Variants in STK32B observed in about 807,000 individuals in gnomAD.
STK32B encodes serine/threonine kinase 32B.
STK32B carries 43 observed loss-of-function variants against 52.6 expected under a neutral mutation model. The ratio of observed to expected loss-of-function variants is 0.82; its 90% CI spans 0.64 to 1.05. STK32B has a LOEUF of 1.05. Ranked by LOEUF, STK32B falls within the 50% of genes least tolerant of loss-of-function variation. The pLI, the probability that STK32B is intolerant of heterozygous loss-of-function variation, is 0.00. For synonymous variants in STK32B, 238 were observed against 204.3 expected (o/e 1.17, Z -1.41); for missense variants, 621 against 534.6 (o/e 1.16, Z -1.59).
intron 4 of STK32B, among the ~76,000 whole-genome samples, chr4:5,351,566 G>C (rs1207700073): frequency 3.3e-5 from 5 of 151,574 alleles, no homozygotes; most frequent in Non-Finnish European, 5.9e-5. Context: ...AGAAAAAGAA[G>C]AACAAACCAA....
the STK32B span, chr4:5,019,567 C>G: frequency 8.9e-7 from 1 of 1,119,784 alleles, no homozygotes; most frequent in Non-Finnish European, 1.2e-6. Flanking sequence ...TCCAGGGTGG[C>G]AGAGAGGAAG....
intron 3 of STK32B, among the ~76,000 whole-genome samples, chr4:5,174,715 C>G (rs184391148): frequency 6.6e-6 from 1 of 152,144 alleles, no homozygotes; most frequent in African/African-American, 2.4e-5. Flanking sequence ...CCCGACCTTT[C>G]TCTCTGGCTG....
chr4:5,497,328 CACAG>C (rs776891101), intron 11 of STK32B, among the ~76,000 whole-genome samples: 47 of 152,298 alleles, frequency 3.1e-4, no homozygotes, highest in Admixed American at 2.2e-3. Context: ...TAAATGCAAA[CACAG>C]ACAGAAAATA....
intron 1 of STK32B, among the ~76,000 whole-genome samples, chr4:5,126,544 A>G (rs1414002064): frequency 6.6e-6 from 1 of 152,254 alleles, no homozygotes; most frequent in Non-Finnish European, 1.5e-5. Flanking sequence ...TCCCATGGCA[A>G]AGTAGATGAG....
intron 4 of STK32B, among the ~76,000 whole-genome samples, chr4:5,341,181 G>A (rs1389359771): frequency 6.6e-6 from 1 of 152,188 alleles, no homozygotes; most frequent in African/African-American, 2.4e-5. Flanking sequence ...CGCCCCAGAG[G>A]AAGGCACTGT....
chr4:5,238,400 C>T (rs1423842556), intron 3 of STK32B, among the ~76,000 whole-genome samples: 1 of 151,898 alleles, frequency 6.6e-6, no homozygotes, highest in Non-Finnish European at 1.5e-5. Flanking sequence ...CTTATAAGGA[C>T]ACATCTTAGA....
chr4:5,277,003 T>C (rs73084038), intron 3 of STK32B, among the ~76,000 whole-genome samples: 3,672 of 152,330 alleles, frequency 0.024, 143 homozygotes, highest in African/African-American at 0.077. Flanking sequence ...GAACGCCAGA[T>C]TTTGGAATGG....
intron 1 of STK32B, among the ~76,000 whole-genome samples, chr4:5,135,062 A>G (rs1244107306): frequency 1.3e-5 from 2 of 152,264 alleles, no homozygotes; most frequent in East Asian, 3.8e-4. Flanking sequence ...ATCACCATCA[A>G]TAACTAATTA....
chr4:5,472,994 C>G (rs555105904), intron 11 of STK32B, among the ~76,000 whole-genome samples: 2 of 152,240 alleles, frequency 1.3e-5, no homozygotes, highest in East Asian at 3.9e-4. Context: ...AAAAATGTCT[C>G]CAGATATTGC....
At position 5,430,692 on chromosome 4, in the gene STK32B, T is replaced by A. The variant is rs2526306; in HGVS notation, c.562+13758T>A. ...GGACATGTTTCTTTTACTACTATGC[T>A]TTTAGTTTTCTTTGGAGGAGGAGGT... On this transcript the variant is annotated intron_variant, in intron 6 of 11. Coordinates refer to ENST00000282908, the MANE Select transcript of STK32B (RefSeq NM_018401.3). Among the ~76,000 whole-genome samples, 18 of 130,154 alleles carry A rather than the reference T, an allele frequency of 1.4e-4. No individual in the cohort carries two copies. In the East Asian group the frequency reaches 1.7e-3, roughly 12 times the overall value. The allele number at this position is 130,154 out of a possible 152,430, so 85.4% of individuals were successfully genotyped here.
chr4:5,474,124 A>G (rs1406602452), intron 11 of STK32B, among the ~76,000 whole-genome samples: 2 of 151,938 alleles, frequency 1.3e-5, no homozygotes, highest in African/African-American at 4.8e-5. Flanking sequence ...AAAAAAAAAG[A>G]AAAAAAATTA....
At chr4:5,040,354 CT>C in the STK32B span, among the ~76,000 whole-genome samples, 1 of 150,338 alleles carries the variant, frequency 6.7e-6, no homozygotes, top group Non-Finnish European at 1.5e-5. Flanking sequence ...GAAGTGACTT[CT>C]CTCAGTGCAC....
intron 11 of STK32B, among the ~76,000 whole-genome samples, chr4:5,483,800 T>C (rs964394368): frequency 6.6e-6 from 1 of 152,186 alleles, no homozygotes; most frequent in Non-Finnish European, 1.5e-5. Flanking sequence ...TTTGTTCTCG[T>C]TGGTTTCAAA....
chr4:5,171,875 T>C (rs943270020), intron 3 of STK32B, among the ~76,000 whole-genome samples: 1 of 150,890 alleles, frequency 6.6e-6, no homozygotes, highest in Non-Finnish European at 1.5e-5. Context: ...GGGGATGGCA[T>C]TGAATCTATA....
intron 3 of STK32B, among the ~76,000 whole-genome samples, chr4:5,311,129 A>T (rs929611846): frequency 6.6e-6 from 1 of 152,172 alleles, no homozygotes; most frequent in Non-Finnish European, 1.5e-5. Context: ...AATAAGTCCT[A>T]TGTAGATGTG....
At chr4:5,342,662 CATATCAACATGGGATTTGGGCAGGG>C (rs1733164860) in intron 4 of STK32B, among the ~76,000 whole-genome samples, 1 of 152,212 alleles carries the variant, frequency 6.6e-6, no homozygotes, top group South Asian at 2.1e-4. Context: ...CTGGAAATTA[CATATCAACATGGGATTTGGGCAGGG>C]ATGCACATCC....
chr4:5,382,926 A>G (rs10937642), intron 4 of STK32B, among the ~76,000 whole-genome samples: 38,576 of 152,150 alleles, frequency 0.25, 5,831 homozygotes, highest in African/African-American at 0.43. Flanking sequence ...TTCCAGTGTC[A>G]ACAGCCAGGG....
At chr4:5,280,208 A>T (rs555811924) in intron 3 of STK32B, among the ~76,000 whole-genome samples, 1 of 152,050 alleles carries the variant, frequency 6.6e-6, no homozygotes, top group South Asian at 2.1e-4. Context: ...TTTTTGTTCA[A>T]CATTTCTCTC....
intron 3 of STK32B, among the ~76,000 whole-genome samples, chr4:5,249,992 G>C (rs1490985320): frequency 6.6e-6 from 1 of 151,818 alleles, no homozygotes; most frequent in Non-Finnish European, 1.5e-5. Context: ...CTACTTATCA[G>C]TGAGAACATG....
Sources: gnomAD v4.1 joint callset for allele counts (sites outside exome capture counted in the v4.1 genomes callset) on GRCh38, gnomAD v4.1.1 for gene constraint, MANE v1.5 for transcripts, NCBI Gene and HGNC (gene_info 2026-07-23, HGNC 2026-07-21) for gene names.